The following CNTNAP2 variants were observed in gnomAD, a reference collection of about 807,000 sequenced individuals.
CNTNAP2 encodes contactin-associated protein-like 2.
Under a neutral mutation model 155.2 loss-of-function variants are expected in CNTNAP2, and 98 were observed. That is an observed-to-expected ratio of 0.63 (90% CI 0.54 to 0.75). The LOEUF (loss-of-function observed/expected upper bound fraction) is 0.75, where lower values mean the gene tolerates loss of function less well. Among genes scored for constraint, CNTNAP2 ranks in the 30% least tolerant of loss-of-function variants. CNTNAP2 has a pLI of 0.00. For synonymous variants in CNTNAP2, 651 were observed against 631.2 expected, an observed-to-expected ratio of 1.03 and a Z score of -0.47; for missense variants, 1,727 against 1,688.1, an observed-to-expected ratio of 1.02 and a Z score of -0.40.
chr7:146,428,423 T>G (rs1796124440), intron 1 of CNTNAP2, among the ~76,000 whole-genome samples: 1 of 152,132 alleles, frequency 6.6e-6, no homozygotes, highest in South Asian at 2.1e-4. Flanking sequence ...TTTTTTGACT[T>G]TTTAATAGTA....
At chr7:148,085,205 G>T (rs1194192913) in intron 15 of CNTNAP2, among the ~76,000 whole-genome samples, 2 of 152,134 alleles carry the variant, frequency 1.3e-5, no homozygotes, top group Non-Finnish European at 2.9e-5. Context: ...TTTCCCTTTG[G>T]ATTATTTATG....
intron 15 of CNTNAP2, among the ~76,000 whole-genome samples, chr7:148,028,500 C>T (rs1234442964): frequency 2.0e-5 from 3 of 152,098 alleles, no homozygotes; most frequent in Non-Finnish European, 4.4e-5. Flanking sequence ...CACTTGAGTC[C>T]GGGAGGTCAA....
intron 12 of CNTNAP2, among the ~76,000 whole-genome samples, chr7:147,637,336 T>A (rs1188130586): frequency 6.6e-6 from 1 of 152,010 alleles, no homozygotes; most frequent in Non-Finnish European, 1.5e-5. Context: ...ATTTTGGAAA[T>A]ACACTGAAGG....
chr7:146,349,333 G>A (rs907331786), intron 1 of CNTNAP2, among the ~76,000 whole-genome samples: 2 of 152,106 alleles, frequency 1.3e-5, no homozygotes, highest in African/African-American at 4.8e-5. Context: ...ACCTAAGAAC[G>A]AATTCAACAG....
At chr7:146,807,489 GAAAA>G (rs1425654506) in intron 2 of CNTNAP2, among the ~76,000 whole-genome samples, 1 of 151,966 alleles carries the variant, frequency 6.6e-6, no homozygotes, top group East Asian at 1.9e-4. Flanking sequence ...ATGAAACTGA[GAAAA>G]AGAGAGGAAC....
chr7:147,589,951 A>G (rs939752432), intron 12 of CNTNAP2, among the ~76,000 whole-genome samples: 27 of 152,154 alleles, frequency 1.8e-4, no homozygotes, highest in African/African-American at 6.3e-4. Flanking sequence ...CTTTTACTGT[A>G]GAGGGCCATA....
intron 2 of CNTNAP2, among the ~76,000 whole-genome samples, chr7:146,792,840 A>AT (rs1041946054): frequency 1.6e-4 from 24 of 151,912 alleles, no homozygotes; most frequent in South Asian, 6.2e-4. Flanking sequence ...AATAATAATT[A>AT]TTTTTTTTGA....
intron 3 of CNTNAP2, among the ~76,000 whole-genome samples, chr7:146,995,131 C>T (rs1798282614): frequency 6.6e-6 from 1 of 151,978 alleles, no homozygotes; most frequent in South Asian, 2.1e-4. Flanking sequence ...ACATACTGTC[C>T]TCCAGATTGA....
intron 13 of CNTNAP2, among the ~76,000 whole-genome samples, chr7:147,752,709 A>G (rs1378658432): frequency 6.6e-6 from 1 of 152,148 alleles, no homozygotes; most frequent in Non-Finnish European, 1.5e-5. Flanking sequence ...CCAATTCCAG[A>G]TGTGATCATA....
chr7:147,080,644 A>T (rs1183684190), intron 4 of CNTNAP2, among the ~76,000 whole-genome samples: 1 of 148,546 alleles, frequency 6.7e-6, no homozygotes, highest in Admixed American at 6.7e-5. Flanking sequence ...ACATTCATAT[A>T]TAACATATAT....
chr7:146,363,106 A>G (rs1795108001), intron 1 of CNTNAP2, among the ~76,000 whole-genome samples: 2 of 152,138 alleles, frequency 1.3e-5, no homozygotes, highest in South Asian at 4.1e-4. Flanking sequence ...TAGCAATGGT[A>G]TTAAATATTT....
At chr7:147,617,287 C>G (rs1225567757) in intron 12 of CNTNAP2, among the ~76,000 whole-genome samples, 1 of 152,026 alleles carries the variant, frequency 6.6e-6, no homozygotes. Flanking sequence ...GCACTTGTTT[C>G]TATTTTGTAG....
chr7:146,395,823 A>G lies in CNTNAP2; in HGVS notation c.97+278850A>G, dbSNP rs1176109984. Reference sequence around the variant, plus strand: ...TAGATAGATAGATAGATAGATAGATAGAGGAGAGAGAGAGAGAGAGAGAGA... The same window carrying G: ...TAGATAGATAGATAGATAGATAGATGGAGGAGAGAGAGAGAGAGAGAGAGA... On this transcript the variant is annotated intron_variant, in intron 1 of 23. Transcript: ENST00000361727. Among the ~76,000 whole-genome samples, 1,006 of 126,406 alleles carry G rather than the reference A, an allele frequency of 8.0e-3. 4 individuals are homozygous for G. The highest frequency in any genetic ancestry group is 0.01 in the Non-Finnish European group (648 of 64,636). The allele number at this position is 126,406 out of a possible 152,430, so 82.9% of individuals were successfully genotyped here.
At chr7:146,363,819 A>G (rs919137268) in intron 1 of CNTNAP2, among the ~76,000 whole-genome samples, 1 of 152,188 alleles carries the variant, frequency 6.6e-6, no homozygotes, top group Non-Finnish European at 1.5e-5. Context: ...TAAAAGAGAA[A>G]AACAGCTGGA....
At chr7:146,940,323 A>G (rs1350464819) in intron 3 of CNTNAP2, among the ~76,000 whole-genome samples, 1 of 151,792 alleles carries the variant, frequency 6.6e-6, no homozygotes, top group Non-Finnish European at 1.5e-5. Flanking sequence ...CAGCCTCCCT[A>G]GTAGCTGGGA....
At chr7:148,411,475 A>G (rs903329534) in intron 23 of CNTNAP2, among the ~76,000 whole-genome samples, 3 of 152,144 alleles carry the variant, frequency 2.0e-5, no homozygotes, top group Admixed American at 6.5e-5. Context: ...CATGTTGGCC[A>G]GGCTGGTCTC....
chr7:147,377,830 C>A (rs1242507931), intron 9 of CNTNAP2, among the ~76,000 whole-genome samples: 2 of 151,814 alleles, frequency 1.3e-5, no homozygotes, highest in Non-Finnish European at 2.9e-5. Context: ...TCTTTTCTCC[C>A]TTGCTACTTT....
chr7:146,745,006 T>G (rs923428557), intron 1 of CNTNAP2, among the ~76,000 whole-genome samples: 1 of 152,206 alleles, frequency 6.6e-6, no homozygotes, highest in Non-Finnish European at 1.5e-5. Context: ...TCCTTTTTCT[T>G]TCAGAACAAC....
At chr7:147,372,989 A>G (rs58403716) in intron 9 of CNTNAP2, among the ~76,000 whole-genome samples, 11,526 of 152,028 alleles carry the variant, frequency 0.076, 725 homozygotes, top group African/African-American at 0.17. Context: ...ATTCTTTCCT[A>G]TATTTGTTAA....
Sources: allele counts gnomAD v4.1 joint callset (sites outside exome capture counted in the v4.1 genomes callset), GRCh38; gene constraint gnomAD v4.1.1; transcripts MANE v1.5; gene names NCBI Gene and HGNC (gene_info 2026-07-23, HGNC 2026-07-21).